Variants in FCHSD2 observed in about 807,000 individuals in gnomAD.
FCHSD2 encodes FCH and double SH3 domains 2, also known as F-BAR and double SH3 domains protein 2.
In FCHSD2, 38 loss-of-function variants were observed where a neutral mutation model predicts 108.1. The observed-to-expected ratio is 0.35, with a 90% CI of 0.27 to 0.46. FCHSD2 has a LOEUF of 0.46. FCHSD2 is among the 20% of genes least tolerant of loss of function. FCHSD2 has a pLI of 1.00. For missense variants in FCHSD2, 751 were observed against 897.8 expected (o/e 0.84, Z 2.09); for synonymous variants, 279 against 314.7 (o/e 0.89, Z 1.20).
chr11:72,900,209 A>C (rs567870649), intron 10 of FCHSD2: 32 of 1,327,520 alleles, frequency 2.4e-5, no homozygotes, highest in Non-Finnish European at 3.1e-5. Flanking sequence ...ATTAACATGC[A>C]AACCCACACT....
intron 3 of FCHSD2, among the ~76,000 whole-genome samples, chr11:73,064,061 G>A (rs933837664): frequency 6.6e-6 from 1 of 152,040 alleles, no homozygotes; most frequent in Non-Finnish European, 1.5e-5. Flanking sequence ...CTCAGCAAAT[G>A]CAAAAGAATG....
intron 13 of FCHSD2, among the ~76,000 whole-genome samples, chr11:72,859,529 AATTAGCTTT>A (rs1472877540): frequency 1.1e-4 from 16 of 152,178 alleles, no homozygotes; most frequent in African/African-American, 3.6e-4. Flanking sequence ...CTCATATATA[AATTAGCTTT>A]ATGATAGATA....
intron 8 of FCHSD2, among the ~76,000 whole-genome samples, chr11:72,932,129 C>T (rs779574281): frequency 3.9e-5 from 6 of 152,204 alleles, no homozygotes; most frequent in Non-Finnish European, 8.8e-5. Flanking sequence ...TTTCCCTCTG[C>T]CTTGTCCCCC....
chr11:73,107,686 G>A (rs1860378422), intron 2 of FCHSD2, among the ~76,000 whole-genome samples: 1 of 152,128 alleles, frequency 6.6e-6, no homozygotes, highest in Non-Finnish European at 1.5e-5. Flanking sequence ...ACAAATAAAT[G>A]ACAACGTGCA....
chr11:72,845,097 C>T (rs980949186), intron 14 of FCHSD2, among the ~76,000 whole-genome samples: 6 of 152,082 alleles, frequency 3.9e-5, no homozygotes, highest in Admixed American at 2.6e-4. Flanking sequence ...GGAGGTAGTA[C>T]ACTTTTAAAT....
At chr11:73,076,833 C>T (rs1027310000) in intron 3 of FCHSD2, among the ~76,000 whole-genome samples, 3 of 151,984 alleles carry the variant, frequency 2.0e-5, no homozygotes, top group East Asian at 1.9e-4. Flanking sequence ...ATGCTAGGCC[C>T]GGCGCAGTGC....
intron 8 of FCHSD2, among the ~76,000 whole-genome samples, chr11:72,949,593 C>T (rs1434586345): frequency 6.6e-6 from 1 of 152,220 alleles, no homozygotes; most frequent in Admixed American, 6.5e-5. Flanking sequence ...TCTGGATTTG[C>T]CTATTCTGGA....
chr11:72,887,440 G>A, intron 12 of FCHSD2, 30 bp downstream of exon 12: 2 of 1,452,086 alleles, frequency 1.4e-6, no homozygotes, highest in East Asian at 2.3e-5. Flanking sequence ...TTAGACCTGG[G>A]CAAAATGCCA....
intron 14 of FCHSD2, among the ~76,000 whole-genome samples, chr11:72,846,150 T>A (rs1003799868): frequency 6.6e-6 from 1 of 151,738 alleles, no homozygotes; most frequent in Admixed American, 6.6e-5. Flanking sequence ...CCCAGACTAC[T>A]CATGATGAGT....
intron 1 of FCHSD2, among the ~76,000 whole-genome samples, chr11:73,140,606 A>G (rs895283634): frequency 1.3e-5 from 2 of 152,258 alleles, no homozygotes; most frequent in Non-Finnish European, 2.9e-5. Context: ...AAATTACTCC[A>G]TAATGGCTGC....
intron 8 of FCHSD2, among the ~76,000 whole-genome samples, chr11:72,923,451 C>T (rs1856012730): frequency 6.6e-6 from 1 of 152,060 alleles, no homozygotes; most frequent in Non-Finnish European, 1.5e-5. Flanking sequence ...ACACCCTTGC[C>T]AACACTTATT....
chr11:72,841,508 G>A lies in FCHSD2; in HGVS notation c.2002C>T (p.Pro668Ser), dbSNP rs773569322. 192 of 1,611,246 alleles carry A rather than the reference G, an allele frequency of 1.2e-4. 1 individual carries two copies. The highest frequency in any genetic ancestry group is 1.5e-4 in the Non-Finnish European group (176 of 1,178,884). Residue 668 changes from proline (P) to serine (S), a missense_variant, in exon 18 of 20, where the codon CCC becomes TCC. Physicochemically the swap from Pro to Ser is moderately conservative, Grantham distance 74 (BLOSUM62 -1). Coordinates refer to ENST00000409418, the MANE Select transcript of FCHSD2 (RefSeq NM_014824.3). ...AGGGAGCTCCTCTTATCTGGGCTGG[G>A]GTAGGGGCTGCTGGGAGGCTGGTCG... is the stretch of plus-strand genomic sequence containing the variant. ...LYDQPPSSPY[P>S]SPDKRSSLYF...
rs919271927 is a variant in FCHSD2, at chr11:73,083,535, G to A, written c.165+160C>T. On this transcript the variant is annotated intron_variant, in intron 3 of 19. Coordinates refer to ENST00000409418, the MANE Select transcript of FCHSD2 (RefSeq NM_014824.3). ...CTGTACTCCAGCCTCGCAACAAAGC[G>A]AGACTCCATCTCAGAAAAAAAGAAA... Among the ~76,000 whole-genome samples the A allele has an allele frequency of 1.0e-4, 15 of 149,194 alleles. No individual in the cohort carries two copies. The East Asian group carries it at 1.4e-3, about 14-fold the overall frequency.
chr11:73,083,400 T>C (rs1859741973), intron 3 of FCHSD2, among the ~76,000 whole-genome samples: 1 of 151,874 alleles, frequency 6.6e-6, no homozygotes, highest in Non-Finnish European at 1.5e-5. Context: ...AATACAAAAA[T>C]TAGCTGGGTG....
In FCHSD2 at chr11:72,900,452, A is replaced by G. The variant is rs192938520; in HGVS notation, c.924+2091T>C. ...TTAGAAACAAAAGATTTAGGGCTGC[A>G]GTTGGGCTGGGAAAAAGTGAGATGA... On this transcript the variant is annotated intron_variant, in intron 10 of 19. Coordinates refer to ENST00000409418, the MANE Select transcript of FCHSD2 (RefSeq NM_014824.3). 1.1e-5 allele frequency: 7 copies of G among 648,766 alleles called. No homozygotes were observed. In the Admixed American group the frequency reaches 1.9e-4, roughly 17 times the overall value. The allele number at this position is 648,766 out of a possible 1,614,324, so 40.2% of individuals were successfully genotyped here. A position where few individuals can be genotyped will look rare whatever the true frequency, so the allele number is the denominator to read the frequency against.
intron 12 of FCHSD2, among the ~76,000 whole-genome samples, chr11:72,879,820 A>C (rs1439501219): frequency 1.3e-5 from 2 of 152,076 alleles, no homozygotes; most frequent in Non-Finnish European, 2.9e-5. Flanking sequence ...AAATCATAGA[A>C]GAGGACAGAA....
chr11:72,878,000 A>AT (rs1374017330), intron 12 of FCHSD2, among the ~76,000 whole-genome samples: 1 of 152,158 alleles, frequency 6.6e-6, no homozygotes, highest in Non-Finnish European at 1.5e-5. Flanking sequence ...CTCAAAAAAA[A>AT]TTTTTTTAAA....
intron 3 of FCHSD2, among the ~76,000 whole-genome samples, chr11:73,067,937 G>A (rs989750914): frequency 6.6e-6 from 1 of 152,100 alleles, no homozygotes; most frequent in African/African-American, 2.4e-5. Context: ...GGCTTGGGAG[G>A]CCTCACAATC....
chr11:72,884,969 C>G (rs932898340), intron 12 of FCHSD2, among the ~76,000 whole-genome samples: 3 of 152,042 alleles, frequency 2.0e-5, no homozygotes, highest in Non-Finnish European at 4.4e-5. Context: ...TTTTATATAA[C>G]CAGTGTTCTC....
Sources: allele counts gnomAD v4.1 joint callset (sites outside exome capture counted in the v4.1 genomes callset), GRCh38; gene constraint gnomAD v4.1.1; transcripts MANE v1.5; gene names NCBI Gene and HGNC (gene_info 2026-07-23, HGNC 2026-07-21).